CNTLN: variants seen among roughly 807,000 people sequenced by gnomAD.
The protein encoded by CNTLN is centlein, centrosomal protein.
Under a neutral mutation model 180.0 loss-of-function variants are expected in CNTLN, and 212 were observed. That is an observed-to-expected ratio of 1.18 (90% CI 1.05 to 1.32). CNTLN has a LOEUF of 1.32. Ranked by LOEUF, CNTLN falls within the 40% of genes most tolerant of loss-of-function variation. CNTLN has a pLI of 0.00. For synonymous variants in CNTLN, 722 were observed against 563.1 expected (o/e 1.28, Z -3.99); for missense variants, 2,095 against 1,610.9 (o/e 1.30, Z -5.14).
intron 13 of CNTLN, among the ~76,000 whole-genome samples, chr9:17,371,405 A>G (rs1824305435): frequency 6.6e-6 from 1 of 152,188 alleles, no homozygotes; most frequent in Non-Finnish European, 1.5e-5. Context: ...GTGTCAATTT[A>G]GTAAGAGGAT....
chr9:17,253,581 G>A (rs1184001385), intron 5 of CNTLN, among the ~76,000 whole-genome samples: 2 of 151,248 alleles, frequency 1.3e-5, no homozygotes, highest in Non-Finnish European at 3.0e-5. Flanking sequence ...CATTACTAAT[G>A]TATGGAAATG....
At chr9:17,367,187 G>C (rs1823900677) in intron 13 of CNTLN, among the ~76,000 whole-genome samples, 1 of 152,178 alleles carries the variant, frequency 6.6e-6, no homozygotes, top group Non-Finnish European at 1.5e-5. Flanking sequence ...GTGCACTTAG[G>C]GGAGGGAGAA....
intron 6 of CNTLN, among the ~76,000 whole-genome samples, chr9:17,279,762 C>T (rs1025878775): frequency 1.3e-5 from 2 of 152,102 alleles, no homozygotes; most frequent in Non-Finnish European, 2.9e-5. Flanking sequence ...GACAGCATCA[C>T]TGCAATGGTT....
the CNTLN span, among the ~76,000 whole-genome samples, chr9:17,516,598 T>C: frequency 6.6e-6 from 1 of 152,210 alleles, no homozygotes; most frequent in Non-Finnish European, 1.5e-5. Context: ...TAGATTCTTC[T>C]TGGCCCCCCC....
At chr9:17,316,741 T>C (rs1819563642) in intron 8 of CNTLN, among the ~76,000 whole-genome samples, 1 of 152,174 alleles carries the variant, frequency 6.6e-6, no homozygotes, top group Admixed American at 6.5e-5. Flanking sequence ...CTGCCTTTTT[T>C]TGTAATATTT....
chr9:17,144,912 G>T (rs1353630150), intron 2 of CNTLN, among the ~76,000 whole-genome samples: 1 of 151,040 alleles, frequency 6.6e-6, no homozygotes, highest in African/African-American at 2.4e-5. Flanking sequence ...CGCAATCTCG[G>T]CTCACTGCAA....
chr9:17,215,154 C>G (rs1290779087), intron 2 of CNTLN, among the ~76,000 whole-genome samples: 3 of 152,194 alleles, frequency 2.0e-5, no homozygotes, highest in Non-Finnish European at 4.4e-5. Flanking sequence ...TTCAGCTTTT[C>G]TGCTCTGTTT....
intron 2 of CNTLN, among the ~76,000 whole-genome samples, chr9:17,224,165 A>C (rs943507018): frequency 6.6e-6 from 1 of 152,012 alleles, no homozygotes; most frequent in African/African-American, 2.4e-5. Context: ...TATTGTCCTT[A>C]TTATACTGAT....
intron 2 of CNTLN, chr9:17,167,519 C>T (rs966659100): frequency 2.0e-5 from 3 of 152,138 alleles, no homozygotes; most frequent in African/African-American, 7.2e-5. Flanking sequence ...GCTGTTAAGG[C>T]CTGATAGAAC....
intron 2 of CNTLN, among the ~76,000 whole-genome samples, chr9:17,155,778 G>A (rs560130051): frequency 2.0e-5 from 3 of 152,004 alleles, no homozygotes; most frequent in Non-Finnish European, 2.9e-5. Flanking sequence ...GCGCCAGTAG[G>A]GTATGGAAAA....
intron 19 of CNTLN, among the ~76,000 whole-genome samples, chr9:17,460,257 G>A (rs895271797): frequency 8.6e-5 from 13 of 151,656 alleles, no homozygotes; most frequent in African/African-American, 2.2e-4. Flanking sequence ...TGGCTCCATA[G>A]TCCATGCTCC....
intron 8 of CNTLN, among the ~76,000 whole-genome samples, chr9:17,330,174 T>C (rs1244599569): frequency 3.9e-5 from 6 of 152,084 alleles, no homozygotes; most frequent in East Asian, 1.9e-4. Context: ...GGAGTTGTTA[T>C]TAAATTAGTT....
At position 17,415,771 on chromosome 9, in the gene CNTLN, G is replaced by A. The variant is rs776418623; in HGVS notation, c.2797-17G>A. On this transcript the variant is annotated splice_polypyrimidine_tract_variant and intron_variant, in intron 16 of 25. Coordinates refer to ENST00000380647, the MANE Select transcript of CNTLN (RefSeq NM_017738.4). ...TATTGAAGAATAATACCATTTTTAT[G>A]AAATCTTCAAATTTAGGACTATTTT... 2 of 1,431,906 alleles carry A rather than the reference G, an allele frequency of 1.4e-6. No homozygotes were observed. The highest frequency in any genetic ancestry group is 1.4e-5 in the African/African-American group (1 of 70,872). 88.7% of individuals were successfully genotyped at this position (1,431,906 alleles called of 1,614,324 possible).
At chr9:17,182,929 G>A (rs1243727210) in intron 2 of CNTLN, among the ~76,000 whole-genome samples, 1 of 152,198 alleles carries the variant, frequency 6.6e-6, no homozygotes, top group Non-Finnish European at 1.5e-5. Context: ...AGATTCTAGT[G>A]CGTGCAAAAT....
chr9:17,499,416 G>C (rs1476309404), intron 25 of CNTLN, among the ~76,000 whole-genome samples: 2 of 152,036 alleles, frequency 1.3e-5, no homozygotes, highest in Non-Finnish European at 2.9e-5. Context: ...AAAATCTTTT[G>C]GTAATACATT....
At chr9:17,484,249 C>T (rs778235774) in intron 23 of CNTLN, 46 bp from the exon 24 acceptor site, 21 of 1,425,650 alleles carry the variant, frequency 1.5e-5, no homozygotes, top group Middle Eastern at 1.8e-4. Flanking sequence ...GCTTTGTCTT[C>T]ATTATGACTT....
intron 12 of CNTLN, among the ~76,000 whole-genome samples, chr9:17,364,556 C>G (rs1196183107): frequency 6.6e-6 from 1 of 152,000 alleles, no homozygotes; most frequent in Non-Finnish European, 1.5e-5. Flanking sequence ...ATTTTAAAAA[C>G]TCTAATGGTG....
intron 18 of CNTLN, among the ~76,000 whole-genome samples, chr9:17,423,247 C>T (rs1828851085): frequency 6.6e-6 from 1 of 152,132 alleles, no homozygotes; most frequent in African/African-American, 2.4e-5. Flanking sequence ...TATTTGAGGT[C>T]CAAGGGCTCT....
In CNTLN at chr9:17,307,972, C is replaced by CCACACACA. The variant is rs3837233; in HGVS notation, c.1147-1047_1147-1040dup. Among the ~76,000 whole-genome samples the CCACACACA allele has an allele frequency of 2.9e-3, 394 of 137,900 alleles. 3 individuals are homozygous for CCACACACA. The highest frequency in any genetic ancestry group is 6.0e-3 in the East Asian group (28 of 4,692). The allele number at this position is 137,900 out of a possible 152,430, so 90.5% of individuals were successfully genotyped here. ...AAGATTTTACTGTTAGCCTTTAAAA[C>CCACACACA]CACACACACACACACACACACACAC... is the stretch of plus-strand genomic sequence containing the variant. On this transcript the variant is annotated intron_variant, in intron 7 of 25. Coordinates refer to ENST00000380647, the MANE Select transcript of CNTLN (RefSeq NM_017738.4).
Sources: gnomAD v4.1 joint callset for allele counts (sites outside exome capture counted in the v4.1 genomes callset) on GRCh38, gnomAD v4.1.1 for gene constraint, MANE v1.5 for transcripts, NCBI Gene and HGNC (gene_info 2026-07-23, HGNC 2026-07-21) for gene names.